SRGAP3: variants seen among roughly 807,000 people sequenced by gnomAD.
SRGAP3 encodes SLIT-ROBO Rho GTPase-activating protein 3.
A neutral mutation model predicts 121.1 loss-of-function variants in SRGAP3; 39 were observed. The ratio of observed to expected loss-of-function variants is 0.32; its 90% CI spans 0.25 to 0.42. The LOEUF (loss-of-function observed/expected upper bound fraction) is 0.42, where lower values mean the gene tolerates loss of function less well. SRGAP3 is among the 10% of genes least tolerant of loss of function. The pLI is 1.00. For missense variants in SRGAP3, 1,213 were observed against 1,470.6 expected (o/e 0.82, Z 2.86); for synonymous variants, 601 against 570.0 (o/e 1.05, Z -0.77).
chr3:9,242,077 C>CA (rs142186507), intron 1 of SRGAP3, among the ~76,000 whole-genome samples: 22,986 of 68,098 alleles, frequency 0.34, 3,328 homozygotes, highest in African/African-American at 0.47. Flanking sequence ...CACCCTAATT[C>CA]AAAAAAAAAA....
chr3:9,024,364 T>C (rs1944081654), intron 14 of SRGAP3, among the ~76,000 whole-genome samples: 1 of 152,250 alleles, frequency 6.6e-6, no homozygotes, highest in Non-Finnish European at 1.5e-5. Context: ...TTGTTAATGC[T>C]AGGTTTTGTT....
chr3:9,208,013 C>T (rs1346186173), intron 1 of SRGAP3, among the ~76,000 whole-genome samples: 1 of 152,192 alleles, frequency 6.6e-6, no homozygotes, highest in African/African-American at 2.4e-5. Context: ...TTCAACCTTA[C>T]TTCCAGCAAC....
chr3:9,060,578 A>G (rs1450933717), intron 5 of SRGAP3, among the ~76,000 whole-genome samples: 1 of 151,812 alleles, frequency 6.6e-6, no homozygotes, highest in Non-Finnish European at 1.5e-5. Flanking sequence ...GATGCATGCC[A>G]TCACACCTGG....
rs568125478 is a variant in SRGAP3, at chr3:9,255,432, A to G, written n.442+70578T>C. Among the ~76,000 whole-genome samples the G allele has an allele frequency of 2.0e-5, 3 of 152,330 alleles. No individual in the cohort carries two copies. The South Asian group carries it at 6.2e-4, about 32-fold the overall frequency. ...GGCAGGCTCTCCCTGTAAGATGGCA[A>G]AGATGGCCCCCAAAACCCCCAAGCT... On this transcript the variant is annotated intron_variant and non_coding_transcript_variant, in intron 3 of 3. Coordinates refer to the SRGAP3 transcript ENST00000490889.
At chr3:9,067,505 A>G (rs968555715) in intron 4 of SRGAP3, among the ~76,000 whole-genome samples, 1 of 151,804 alleles carries the variant, frequency 6.6e-6, no homozygotes, top group Non-Finnish European at 1.5e-5. Flanking sequence ...AAATAACTCA[A>G]TGGACCAGAA....
At chr3:9,088,807 G>A (rs1001565311) in intron 3 of SRGAP3, among the ~76,000 whole-genome samples, 1 of 152,112 alleles carries the variant, frequency 6.6e-6, no homozygotes, top group Non-Finnish European at 1.5e-5. Context: ...CAGCGTCTCT[G>A]GTAATTCTAG....
At chr3:9,269,880 G>T (rs1456507745) in intron 3 of SRGAP3, among the ~76,000 whole-genome samples, 3 of 152,094 alleles carry the variant, frequency 2.0e-5, no homozygotes, top group South Asian at 2.1e-4. Context: ...AGGAAGAAAG[G>T]GAGGGACAGA....
In SRGAP3 at chr3:9,249,291, A is replaced by C; in HGVS notation, c.-340T>G. On this transcript the variant is annotated 5_prime_UTR_variant, in exon 1 of 22. It removes an upstream start codon present in the reference 5' UTR. Coordinates refer to ENST00000383836, the MANE Select transcript of SRGAP3 (RefSeq NM_014850.4). ...AATAACCAAGCGCACTCACACACAC[A>C]TGCACACGTACACACACTCACGCAT... is the stretch of plus-strand genomic sequence containing the variant. 2.2e-6 allele frequency: 1 copy of C among 452,228 alleles called. No individual in the cohort carries two copies. 28.0% of individuals were successfully genotyped at this position (452,228 alleles called of 1,614,324 possible).
intron 2 of SRGAP3, among the ~76,000 whole-genome samples, chr3:9,105,959 A>G (rs1390327746): frequency 6.6e-6 from 1 of 152,222 alleles, no homozygotes; most frequent in Non-Finnish European, 1.5e-5. Context: ...TTTCTAATAA[A>G]CTGTTGAATA....
chr3:9,021,387 G>A (rs761569934), intron 14 of SRGAP3, among the ~76,000 whole-genome samples: 21 of 152,156 alleles, frequency 1.4e-4, no homozygotes, highest in Non-Finnish European at 1.5e-4. Flanking sequence ...CCACAGCTCA[G>A]TAGCTAATTC....
chr3:8,991,774 T>C (rs1389518777), intron 20 of SRGAP3, among the ~76,000 whole-genome samples: 4 of 152,164 alleles, frequency 2.6e-5, no homozygotes, highest in Admixed American at 2.6e-4. Flanking sequence ...GAATGGATTA[T>C]GACTAGGGAC....
intron 3 of SRGAP3, among the ~76,000 whole-genome samples, chr3:9,310,662 T>C (rs1420065783): frequency 1.4e-4 from 21 of 152,178 alleles, no homozygotes; most frequent in Admixed American, 1.4e-3. Context: ...CCTGGAATCA[T>C]CATGCAGGGC....
At chr3:9,348,015 A>G (rs544793793) in intron 1 of SRGAP3, among the ~76,000 whole-genome samples, 1 of 152,364 alleles carries the variant, frequency 6.6e-6, no homozygotes, top group African/African-American at 2.4e-5. Flanking sequence ...ACACTCACAG[A>G]CATGTACTGC....
At chr3:9,297,615 G>C (rs1173251566) in intron 3 of SRGAP3, among the ~76,000 whole-genome samples, 1 of 151,990 alleles carries the variant, frequency 6.6e-6, no homozygotes, top group Non-Finnish European at 1.5e-5. Context: ...GAAAATTAGG[G>C]CCAGGCACGG....
intron 1 of SRGAP3, among the ~76,000 whole-genome samples, chr3:9,185,361 G>A (rs1222752522): frequency 6.6e-6 from 1 of 152,144 alleles, no homozygotes; most frequent in Non-Finnish European, 1.5e-5. Context: ...ACCAAGACGG[G>A]GCAGGGAGGA....
At chr3:9,200,607 T>A (rs1005596631) in intron 1 of SRGAP3, among the ~76,000 whole-genome samples, 2 of 152,142 alleles carry the variant, frequency 1.3e-5, no homozygotes. Flanking sequence ...TCTTACTGGA[T>A]GAGTAGTTTC....
intron 1 of SRGAP3, chr3:9,219,132 G>GCCAAAAGCTGTCT (rs1364805358): frequency 9.2e-5 from 14 of 152,098 alleles, no homozygotes; most frequent in Non-Finnish European, 1.8e-4. Flanking sequence ...ATCATGCCTG[G>GCCAAAAGCTGTCT]CCAAAAGCTG....
At chr3:9,214,037 C>T (rs60537334) in intron 1 of SRGAP3, among the ~76,000 whole-genome samples, 3,685 of 152,016 alleles carry the variant, frequency 0.024, 130 homozygotes, top group African/African-American at 0.083. Flanking sequence ...TAATGGTTAC[C>T]ATTATCTGAA....
chr3:9,005,000 T>A lies in SRGAP3; in HGVS notation c.2227+5308A>T, dbSNP rs543333600. 1.4e-4 allele frequency among the ~76,000 whole-genome samples: 21 copies of A among 152,322 alleles called. No individual in the cohort carries two copies. The East Asian group carries it at 4.0e-3, about 29-fold the overall frequency. ...CAAGCCACAGAATGGGAGAAAATAT[T>A]TGGAAATTGTATATCTGATAAGGGA... On this transcript the variant is annotated intron_variant, in intron 18 of 21. Transcript: ENST00000383836.
Sources: gnomAD v4.1 joint callset for allele counts (sites outside exome capture counted in the v4.1 genomes callset) on GRCh38, gnomAD v4.1.1 for gene constraint, MANE v1.5 for transcripts, NCBI Gene and HGNC (gene_info 2026-07-23, HGNC 2026-07-21) for gene names.